LARP4B: variants seen among roughly 807,000 people sequenced by gnomAD.
LARP4B encodes the protein la-related protein 4B.
Under a neutral mutation model 89.8 loss-of-function variants are expected in LARP4B, and 12 were observed. That is an observed-to-expected ratio of 0.13 (90% CI 0.09 to 0.22). The LOEUF (loss-of-function observed/expected upper bound fraction) is 0.22. LARP4B is among the 10% of genes least tolerant of loss of function. The pLI is 1.00. For missense variants in LARP4B, 757 were observed against 947.7 expected, an observed-to-expected ratio of 0.80 and a Z score of 2.64; for synonymous variants, 367 against 363.3, an observed-to-expected ratio of 1.01 and a Z score of -0.12.
intron 1 of LARP4B, among the ~76,000 whole-genome samples, chr10:909,012 C>T (rs928816185): frequency 4.6e-5 from 7 of 151,880 alleles, no homozygotes; most frequent in East Asian, 1.9e-4. Context: ...TTCCAAGTTG[C>T]GGCCAGGCGC....
chr10:946,871 AT>A, the LARP4B span, among the ~76,000 whole-genome samples: 2 of 150,486 alleles, frequency 1.3e-5, no homozygotes, highest in South Asian at 2.1e-4. Flanking sequence ...CTGAAACACC[AT>A]TTTTTTTTCC....
the LARP4B span, among the ~76,000 whole-genome samples, chr10:958,079 G>A: frequency 6.6e-6 from 1 of 152,168 alleles, no homozygotes; most frequent in Non-Finnish European, 1.5e-5. Flanking sequence ...TTACAGGCGT[G>A]AGCCACGATG....
At chr10:944,155 C>T in the LARP4B span, among the ~76,000 whole-genome samples, 49 of 152,220 alleles carry the variant, frequency 3.2e-4, 1 homozygote, top group East Asian at 8.3e-3. Flanking sequence ...ATACTTGTCA[C>T]GGTGTAGCCG....
chr10:904,291 C>T (rs1189685412), intron 1 of LARP4B, among the ~76,000 whole-genome samples: 2 of 152,264 alleles, frequency 1.3e-5, no homozygotes, highest in Middle Eastern at 3.4e-3. Flanking sequence ...CAGTGGCTCA[C>T]ACCTGTAATC....
intron 1 of LARP4B, among the ~76,000 whole-genome samples, chr10:906,402 T>C (rs1836494532): frequency 6.6e-6 from 1 of 152,212 alleles, no homozygotes; most frequent in African/African-American, 2.4e-5. Flanking sequence ...ATGAACAAGT[T>C]TGGAAGCTGA....
rs35215345 is a variant in LARP4B at position 868,378 on chromosome 10, T to TAAAAA, written c.142-4113_142-4109dup. Among the ~76,000 whole-genome samples, 357 of 123,428 alleles carry TAAAAA rather than the reference T, an allele frequency of 2.9e-3. 7 individuals are homozygous for TAAAAA. The highest frequency in any genetic ancestry group is 0.01 in the African/African-American group (334 of 33,282). The allele number at this position is 123,428 out of a possible 152,430, so 81.0% of individuals were successfully genotyped here. ...AATAGCTGCTATATTAAGATTTGCT[T>TAAAAA]AAAAAAAAAAAAAAAAAAAGACACC... is the stretch of plus-strand genomic sequence containing the variant. On this transcript the variant is annotated intron_variant, in intron 3 of 17. Transcript: ENST00000316157.
intron 7 of LARP4B, among the ~76,000 whole-genome samples, chr10:839,547 G>C (rs1833408523): frequency 6.6e-6 from 1 of 152,212 alleles, no homozygotes. Flanking sequence ...TTTAAAAAAT[G>C]CTCAACTTCA....
At chr10:901,429 C>A (rs1836342397) in intron 1 of LARP4B, among the ~76,000 whole-genome samples, 1 of 152,146 alleles carries the variant, frequency 6.6e-6, no homozygotes, top group Admixed American at 6.5e-5. Flanking sequence ...AATGTGAGAG[C>A]ACCTTAGGGC....
intron 1 of LARP4B, among the ~76,000 whole-genome samples, chr10:930,848 G>GC (rs1837280084): frequency 6.6e-6 from 1 of 151,944 alleles, no homozygotes; most frequent in Non-Finnish European, 1.5e-5. Flanking sequence ...GTCCCGCCCC[G>GC]CACCCGCACG....
chr10:961,835 C>A, the LARP4B span, among the ~76,000 whole-genome samples: 123 of 152,304 alleles, frequency 8.1e-4, no homozygotes, highest in South Asian at 0.012. Context: ...AGGGGCATAA[C>A]CTGAACACCT....
At chr10:818,052 A>C in intron 14 of LARP4B, 163 bp from the exon 15 acceptor site, 1 of 637,806 alleles carries the variant, frequency 1.6e-6, no homozygotes. Flanking sequence ...AACTTCAACC[A>C]TCTAGAGCAG....
At chr10:869,972 A>G in intron 3 of LARP4B, 1 of 471,540 alleles carries the variant, frequency 2.1e-6, no homozygotes, top group South Asian at 9.3e-5. Context: ...ATAGCCCAGC[A>G]TACCGCAGCA....
rs1268304178 is a variant in LARP4B at position 851,938 on chromosome 10, C to T, written c.431-6883G>A. On this transcript the variant is annotated intron_variant, in intron 5 of 17. Coordinates refer to ENST00000316157, the MANE Select transcript of LARP4B (RefSeq NM_015155.3). ...AAAATAAGCCAGGCGTGGTGGTGTG[C>T]TACTGTAGTCCCAGCTACTTGGGAG... is the stretch of plus-strand genomic sequence containing the variant. 4.6e-5 allele frequency among the ~76,000 whole-genome samples: 7 copies of T among 152,166 alleles called. No homozygotes were observed. The East Asian group carries it at 9.7e-4, about 21-fold the overall frequency.
Position 814,899 on chromosome 10 carries a change from A to G in LARP4B, c.1820+47T>C. 6.3e-7 allele frequency: 1 copy of G among 1,578,630 alleles called. No individual in the cohort carries two copies. The highest frequency in any genetic ancestry group is 1.2e-5 in the South Asian group (1 of 86,462). ...TGAATCTCATGCAACATCACAGGCCATTCAAGTCAGTCAACACCAAGGCGC... is the reference window on the plus strand; with the variant it reads ...TGAATCTCATGCAACATCACAGGCCGTTCAAGTCAGTCAACACCAAGGCGC... On this transcript the variant is annotated intron_variant, in intron 16 of 17. Transcript: ENST00000316157. This position sits in a 1 kb window ranked among gnomAD's most constrained non-coding sequence, Gnocchi z 4.4.
the LARP4B span, among the ~76,000 whole-genome samples, chr10:961,442 C>T: frequency 6.7e-6 from 1 of 148,688 alleles, no homozygotes; most frequent in African/African-American, 2.5e-5. Flanking sequence ...CCACTCATGG[C>T]AGCGTGGTGC....
At chr10:840,960 C>T (rs1383470824) in intron 7 of LARP4B, among the ~76,000 whole-genome samples, 2 of 152,066 alleles carry the variant, frequency 1.3e-5, no homozygotes, top group Non-Finnish European at 2.9e-5. Flanking sequence ...GAGACCAGCC[C>T]TGCCAATGTG....
chr10:830,035 A>G (rs1459831002), intron 9 of LARP4B, among the ~76,000 whole-genome samples: 2 of 152,230 alleles, frequency 1.3e-5, no homozygotes, highest in Non-Finnish European at 2.9e-5. Context: ...GTGGAAAATG[A>G]TGAATACTGA....
In LARP4B at chr10:814,039, G is replaced by A. The variant is rs770486987; in HGVS notation, c.1929+703C>T. 9.2e-5 allele frequency among the ~76,000 whole-genome samples: 14 copies of A among 152,062 alleles called. No individual in the cohort carries two copies. Among genetic ancestry groups the A allele is most frequent in the Non-Finnish European group, 1.6e-4 (11 of 68,022 alleles). On this transcript the variant is annotated intron_variant, in intron 17 of 17. Coordinates refer to ENST00000316157, the MANE Select transcript of LARP4B (RefSeq NM_015155.3). The surrounding 1 kb of genome is among the most constrained non-coding windows in gnomAD (Gnocchi z 4.4). ...GACTGTCTGGATCTCCTGACCGCAT[G>A]ATCTGCCTACCTCGGCCTCCCAAAG...
chr10:942,915 C>T, the LARP4B span, among the ~76,000 whole-genome samples: 2 of 151,146 alleles, frequency 1.3e-5, no homozygotes, highest in African/African-American at 4.9e-5. Flanking sequence ...CTCACTCCAG[C>T]TTTCAGATGA....
Sources: gnomAD v4.1 joint callset for allele counts (sites outside exome capture counted in the v4.1 genomes callset) on GRCh38, gnomAD v4.1.1 for gene constraint, Gnocchi (gnomAD v3.1) non-coding constraint, MANE v1.5 for transcripts, NCBI Gene and HGNC (gene_info 2026-07-23, HGNC 2026-07-21) for gene names.